The following PRRC2B variants were observed in gnomAD, a reference collection of about 807,000 sequenced individuals.
PRRC2B encodes the protein proline rich coiled-coil 2B.
PRRC2B carries 68 observed loss-of-function variants against 242.3 expected under a neutral mutation model. That is an observed-to-expected ratio of 0.28 (90% CI 0.23 to 0.34). The LOEUF is 0.34. PRRC2B is among the 10% of genes least tolerant of loss of function. The probability of loss-of-function intolerance (pLI) is 1.00; values close to 1 mark genes in which losing one functional copy is unlikely to be tolerated. For synonymous variants in PRRC2B, 1,228 were observed against 1,173.6 expected, an observed-to-expected ratio of 1.05 and a Z score of -0.95; for missense variants, 2,835 against 2,954.8, an observed-to-expected ratio of 0.96 and a Z score of 0.94.
At chr9:131,422,527 C>T (rs1248957765) in intron 1 of PRRC2B, among the ~76,000 whole-genome samples, 1 of 152,182 alleles carries the variant, frequency 6.6e-6, no homozygotes, top group African/African-American at 2.4e-5. Context: ...GAATGCGGAG[C>T]CGTAGTGGTT....
chr9:131,484,797 C>T lies in PRRC2B; in HGVS notation c.5565+7C>T. Reference sequence around the variant, plus strand: ...CGCCGACCTTACTCTGAAGGTAACACCAGCCCTGAGCTGGGTGAGGGCCCA... The same window carrying T: ...CGCCGACCTTACTCTGAAGGTAACATCAGCCCTGAGCTGGGTGAGGGCCCA... On this transcript the variant is annotated splice_region_variant and intron_variant, in intron 24 of 31. Transcript: ENST00000683519. The T allele has an allele frequency of 2.5e-6, 4 of 1,602,040 alleles. No individual in the cohort carries two copies. The highest frequency in any genetic ancestry group is 2.6e-6 in the Non-Finnish European group (3 of 1,172,750).
chr9:131,470,842 C>T lies in PRRC2B; in HGVS notation c.1966C>T (p.Pro656Ser), dbSNP rs1342074219. The change falls in exon 14 of 32, where the codon CCC (proline) becomes TCC (serine). Residue 656 changes from proline to serine, a missense_variant. Transcript: ENST00000683519. ...GCCGGTGTACCCCCCGCCGTCCCAC[C>T]CCCAGCGCACCTTTTACCCACACCA... ...WQPVYPPPSH[P>S]QRTFYPHHPQ... The T allele has an allele frequency of 1.2e-6, 2 of 1,611,526 alleles. No homozygotes were observed. The highest frequency in any genetic ancestry group is 8.5e-7 in the Non-Finnish European group (1 of 1,178,166).
intron 31 of PRRC2B, 129 bp from the exon 32 acceptor site, chr9:131,495,611 A>G (rs1564304899): frequency 2.8e-6 from 3 of 1,076,216 alleles, no homozygotes; most frequent in Admixed American, 2.3e-5. Context: ...TGGTCCTTCA[A>G]CCAAGGGACT....
chr9:131,382,165 C>T (rs577913321), intron 1 of PRRC2B, among the ~76,000 whole-genome samples: 10 of 151,826 alleles, frequency 6.6e-5, no homozygotes, highest in East Asian at 5.8e-4. Flanking sequence ...TACAGGCATC[C>T]GCCACCACGC....
chr9:131,408,387 T>G (rs996132573), intron 1 of PRRC2B, among the ~76,000 whole-genome samples: 1 of 152,206 alleles, frequency 6.6e-6, no homozygotes, highest in Non-Finnish European at 1.5e-5. Context: ...ACATGTTCAG[T>G]TGGACATTTC....
intron 1 of PRRC2B, among the ~76,000 whole-genome samples, chr9:131,407,306 G>A (rs983134477): frequency 2.6e-5 from 4 of 152,100 alleles, no homozygotes; most frequent in African/African-American, 7.2e-5. Context: ...TAGACGCTTC[G>A]GGGAGATGGT....
At chr9:131,433,410 A>G (rs1838242773) in intron 3 of PRRC2B, among the ~76,000 whole-genome samples, 3 of 152,192 alleles carry the variant, frequency 2.0e-5, no homozygotes, top group African/African-American at 7.2e-5. Flanking sequence ...AGAGGGTGGC[A>G]TGGTGCTGTC....
At chr9:131,385,962 G>A (rs1588233774) in intron 1 of PRRC2B, among the ~76,000 whole-genome samples, 1 of 150,514 alleles carries the variant, frequency 6.6e-6, no homozygotes, top group East Asian at 2.0e-4. Flanking sequence ...CAAAGTGCTG[G>A]GATTACAGGC....
intron 14 of PRRC2B, among the ~76,000 whole-genome samples, chr9:131,471,306 A>G (rs1157402621): frequency 6.6e-6 from 1 of 151,920 alleles, no homozygotes; most frequent in African/African-American, 2.4e-5. Context: ...AGTCTTTCCC[A>G]AGGTTTGTCT....
At chr9:131,485,246 T>C (rs1943986086) in intron 25 of PRRC2B, 106 bp downstream of exon 25, 1 of 959,778 alleles carries the variant, frequency 1.0e-6, no homozygotes, top group Non-Finnish European at 1.5e-6. Context: ...TTAAGTAGCA[T>C]GTAGAAGTAG....
intron 9 of PRRC2B, among the ~76,000 whole-genome samples, chr9:131,453,035 C>A (rs1241130249): frequency 6.6e-6 from 1 of 152,166 alleles, no homozygotes; most frequent in African/African-American, 2.4e-5. Flanking sequence ...TGTTAAACTC[C>A]AATTATGGAT....
chr9:131,487,148 C>T lies in PRRC2B; in HGVS notation c.5857-19C>T, dbSNP rs1944046516. ...TGGGCCTTGCGGTTACCTCCCCGAC[C>T]CCGTTTTCCCGTTCACAGGCCGCCG... On this transcript the variant is annotated intron_variant, in intron 26 of 31. Transcript: ENST00000683519. This position sits in a 1 kb window ranked among gnomAD's most constrained non-coding sequence, Gnocchi z 5.3. 6.2e-7 allele frequency: 1 copy of T among 1,612,394 alleles called. No homozygotes were observed.
At chr9:131,393,344 T>G (rs1389515626), upstream of PRRC2B, among the ~76,000 whole-genome samples, 1 of 152,140 alleles carries the variant, frequency 6.6e-6, no homozygotes, top group African/African-American at 2.4e-5. Context: ...CTTTTATAGT[T>G]GGTTAGGTGT....
intron 1 of PRRC2B, among the ~76,000 whole-genome samples, chr9:131,401,180 G>T (rs1837218142): frequency 6.6e-6 from 1 of 151,896 alleles, no homozygotes; most frequent in Non-Finnish European, 1.5e-5. Flanking sequence ...TTTAAAAATT[G>T]TGGTGAAGTA....
chr9:131,393,897 C>T (rs1179570967), upstream of PRRC2B, among the ~76,000 whole-genome samples: 1 of 151,272 alleles, frequency 6.6e-6, no homozygotes, highest in Non-Finnish European at 1.5e-5. Context: ...CCCGCCGCTC[C>T]CCGCCCCTCC....
At chr9:131,431,763 T>A (rs1838180469) in intron 2 of PRRC2B, among the ~76,000 whole-genome samples, 1 of 150,742 alleles carries the variant, frequency 6.6e-6, no homozygotes, top group Non-Finnish European at 1.5e-5. Context: ...ATTTTTTGTA[T>A]TTTTAGTAGA....
intron 1 of PRRC2B, among the ~76,000 whole-genome samples, chr9:131,424,000 A>G (rs1447191479): frequency 6.6e-6 from 1 of 151,812 alleles, no homozygotes; most frequent in African/African-American, 2.4e-5. Flanking sequence ...CAGTGGCCCA[A>G]TCTCCGTTCA....
At chr9:131,444,891 G>A (rs1838742393) in intron 6 of PRRC2B, among the ~76,000 whole-genome samples, 1 of 152,204 alleles carries the variant, frequency 6.6e-6, no homozygotes, top group African/African-American at 2.4e-5. Flanking sequence ...CTCCTTGGAA[G>A]CCGAGGGTGG....
At position 131,494,211 on chromosome 9, in the gene PRRC2B, C is replaced by T. The variant is rs1295821664; in HGVS notation, c.6474-194C>T. On this transcript the variant is annotated intron_variant, in intron 30 of 31. Transcript: ENST00000683519. This position sits in a 1 kb window ranked among gnomAD's most constrained non-coding sequence, Gnocchi z 4.3. ...GCCAGGGTGGTCAGTGACAGCCACC[C>T]CCTCACCCTTCTGCGTTCTGGGCTG... 6.6e-6 allele frequency among the ~76,000 whole-genome samples: 1 copy of T among 152,216 alleles called. No homozygotes were observed. The highest frequency in any genetic ancestry group is 1.5e-5 in the Non-Finnish European group (1 of 68,036).
Sources: gnomAD v4.1 joint callset for allele counts (sites outside exome capture counted in the v4.1 genomes callset) on GRCh38, gnomAD v4.1.1 for gene constraint, Gnocchi (gnomAD v3.1) non-coding constraint, MANE v1.5 for transcripts, NCBI Gene and HGNC (gene_info 2026-07-23, HGNC 2026-07-21) for gene names.